Variants in SCNN1B observed in about 807,000 individuals in gnomAD.
The protein encoded by SCNN1B is sodium channel epithelial 1 subunit beta, also known as epithelial sodium channel subunit beta.
SCNN1B carries 46 observed loss-of-function variants against 65.3 expected under a neutral mutation model. The observed-to-expected ratio is 0.70, with a 90% CI of 0.56 to 0.90. The LOEUF (loss-of-function observed/expected upper bound fraction) is 0.90, where lower values mean the gene tolerates loss of function less well. Ranked by LOEUF, SCNN1B falls within the 40% of genes least tolerant of loss-of-function variation. The pLI is 0.00. For synonymous variants in SCNN1B, 349 were observed against 330.6 expected (o/e 1.06, Z -0.60); for missense variants, 751 against 830.5 (o/e 0.90, Z 1.18).
At chr16:23,299,904 C>T (rs549765274), upstream of SCNN1B, among the ~76,000 whole-genome samples, 82 of 152,258 alleles carry the variant, frequency 5.4e-4, no homozygotes, top group Admixed American at 3.5e-3. Flanking sequence ...ATGTTTATTG[C>T]GGCACTATTC....
At chr16:23,313,572 CT>C (rs1255775562) in intron 1 of SCNN1B, among the ~76,000 whole-genome samples, 1 of 152,172 alleles carries the variant, frequency 6.6e-6, no homozygotes, top group Non-Finnish European at 1.5e-5. Flanking sequence ...GCTCTCTCCC[CT>C]ACAGTATAAT....
intron 2 of SCNN1B, among the ~76,000 whole-genome samples, chr16:23,284,185 A>C (rs1960820306): frequency 6.6e-6 from 1 of 152,122 alleles, no homozygotes; most frequent in Admixed American, 6.6e-5. Context: ...TGGGCGGATC[A>C]CCTGAGGTCA....
At position 23,341,969 on chromosome 16, in the gene SCNN1B, T is replaced by A. The variant is rs138706954; in HGVS notation, c.-8-6623T>A. Among the ~76,000 whole-genome samples, 788 of 152,194 alleles carry A rather than the reference T, an allele frequency of 5.2e-3. 4 individuals carry two copies. The highest frequency in any genetic ancestry group is 0.014 in the Middle Eastern group (4 of 294). ...ATTACCATCAGACTCAGATCAGGAG[T>A]TCGAGACCACTCCTGGATATATAAC... On this transcript the variant is annotated intron_variant, in intron 1 of 12. Transcript: ENST00000343070.
intron 7 of SCNN1B, among the ~76,000 whole-genome samples, chr16:23,372,801 A>T (rs1287417767): frequency 6.7e-6 from 1 of 148,866 alleles, no homozygotes; most frequent in Non-Finnish European, 1.5e-5. Flanking sequence ...CTTTATTATT[A>T]TTTTTTTAAA....
intron 1 of SCNN1B, among the ~76,000 whole-genome samples, chr16:23,316,564 C>A (rs1961471117): frequency 6.6e-6 from 1 of 151,084 alleles, no homozygotes; most frequent in African/African-American, 2.4e-5. Flanking sequence ...TTATCACCAT[C>A]CTCACCATCA....
At chr16:23,299,434 G>A (rs1045370646), upstream of SCNN1B, among the ~76,000 whole-genome samples, 1 of 152,166 alleles carries the variant, frequency 6.6e-6, no homozygotes, top group African/African-American at 2.4e-5. Context: ...ATACACCTGG[G>A]AAGCATTGAT....
intron 1 of SCNN1B, among the ~76,000 whole-genome samples, chr16:23,312,453 G>A (rs72774351): frequency 0.17 from 25,306 of 151,888 alleles, 2,737 homozygotes; most frequent in East Asian, 0.28. Flanking sequence ...GAATTTGAGG[G>A]GACCGTGAGG....
intron 2 of SCNN1B, among the ~76,000 whole-genome samples, chr16:23,290,551 T>C (rs1488817903): frequency 6.6e-6 from 1 of 152,176 alleles, no homozygotes; most frequent in Non-Finnish European, 1.5e-5. Context: ...CAAGCAATCC[T>C]CTTGCCTTGG....
chr16:23,286,679 T>C (rs1365044812), intron 2 of SCNN1B, among the ~76,000 whole-genome samples: 2 of 152,182 alleles, frequency 1.3e-5, no homozygotes, highest in African/African-American at 2.4e-5. Flanking sequence ...CTCTAGAAGG[T>C]AGACCATTCT....
At chr16:23,338,998 C>T (rs192003575) in intron 1 of SCNN1B, among the ~76,000 whole-genome samples, 1 of 152,296 alleles carries the variant, frequency 6.6e-6, no homozygotes, top group Non-Finnish European at 1.5e-5. Flanking sequence ...CTCATCGTCT[C>T]CAAAAGGCTC....
intron 1 of SCNN1B, among the ~76,000 whole-genome samples, chr16:23,329,546 CA>C (rs1219190529): frequency 6.6e-6 from 1 of 152,210 alleles, no homozygotes; most frequent in Non-Finnish European, 1.5e-5. Context: ...TTGTTTTAAG[CA>C]CCCTCGGAGG....
At chr16:23,328,728 C>T (rs1961747427) in intron 1 of SCNN1B, among the ~76,000 whole-genome samples, 1 of 152,198 alleles carries the variant, frequency 6.6e-6, no homozygotes, top group Non-Finnish European at 1.5e-5. Flanking sequence ...TGGTTAAATG[C>T]CTCTGAATCG....
chr16:23,312,988 T>C lies in SCNN1B; in HGVS notation c.-9+10551T>C, dbSNP rs370360825. The stretch of plus-strand genomic sequence containing the variant: ...CAATACAAAGCAGTTCTCTTTGCAA[T>C]TCATTCATTCATTCAAAAAGTATTT... On this transcript the variant is annotated intron_variant, in intron 1 of 12. Coordinates refer to ENST00000343070, the MANE Select transcript of SCNN1B (RefSeq NM_000336.3). Among the ~76,000 whole-genome samples the C allele has an allele frequency of 8.5e-5, 13 of 152,322 alleles. No homozygotes were observed. The South Asian group carries it at 2.5e-3, about 29-fold the overall frequency.
intron 2 of SCNN1B, among the ~76,000 whole-genome samples, chr16:23,284,803 G>T (rs2141967880): frequency 6.6e-6 from 1 of 152,308 alleles, no homozygotes; most frequent in Middle Eastern, 3.4e-3. Flanking sequence ...GTTCAGTGTT[G>T]CCAGATCTGC....
intron 2 of SCNN1B, among the ~76,000 whole-genome samples, chr16:23,286,683 C>T (rs878920854): frequency 6.6e-6 from 1 of 152,178 alleles, no homozygotes; most frequent in Admixed American, 6.5e-5. Flanking sequence ...AGAAGGTAGA[C>T]CATTCTACCA....
At chr16:23,331,243 C>T (rs967155528) in intron 1 of SCNN1B, among the ~76,000 whole-genome samples, 2 of 152,034 alleles carry the variant, frequency 1.3e-5, no homozygotes, top group African/African-American at 4.8e-5. Flanking sequence ...GTAGCACTTG[C>T]AAGTTTGGCC....
At chr16:23,367,140 AC>A (rs1962685789) in intron 4 of SCNN1B, among the ~76,000 whole-genome samples, 1 of 152,078 alleles carries the variant, frequency 6.6e-6, no homozygotes, top group Non-Finnish European at 1.5e-5. Flanking sequence ...ATCCAAGATG[AC>A]CTCATCTCGA....
upstream of SCNN1B, among the ~76,000 whole-genome samples, chr16:23,300,758 A>G (rs747372656): frequency 1.2e-4 from 19 of 152,172 alleles, no homozygotes; most frequent in Non-Finnish European, 2.4e-4. Context: ...CTTGAGCCCA[A>G]GAGTTTGAGG....
At chr16:23,354,283 G>A (rs923257263) in intron 3 of SCNN1B, among the ~76,000 whole-genome samples, 10 of 152,252 alleles carry the variant, frequency 6.6e-5, no homozygotes, top group East Asian at 1.9e-4. Flanking sequence ...AACAAAGCCC[G>A]GAACAGGGTA....
Sources: gnomAD v4.1 joint callset for allele counts (sites outside exome capture counted in the v4.1 genomes callset) on GRCh38, gnomAD v4.1.1 for gene constraint, MANE v1.5 for transcripts, NCBI Gene and HGNC (gene_info 2026-07-23, HGNC 2026-07-21) for gene names.